The following NRXN3 variants were observed in gnomAD, a reference collection of about 807,000 sequenced individuals.
NRXN3 encodes the protein neurexin 3, also known as neurexin III.
Under a neutral mutation model 137.6 loss-of-function variants are expected in NRXN3, and 32 were observed. The ratio of observed to expected loss-of-function variants is 0.23; its 90% CI spans 0.18 to 0.31. NRXN3 has a LOEUF of 0.31. Among genes scored for constraint, NRXN3 ranks in the 10% least tolerant of loss-of-function variants. The probability of loss-of-function intolerance (pLI) is 1.00; values close to 1 mark genes in which losing one functional copy is unlikely to be tolerated. For missense variants in NRXN3, 1,574 were observed against 2,062.5 expected (o/e 0.76, Z 4.59); for synonymous variants, 798 against 784.5 (o/e 1.02, Z -0.29).
intron 16 of NRXN3, among the ~76,000 whole-genome samples, chr14:79,637,303 G>A (rs2098409041): frequency 6.6e-6 from 1 of 152,078 alleles, no homozygotes; most frequent in African/African-American, 2.4e-5. Flanking sequence ...TATTATTATT[G>A]TTATTGTTAT....
chr14:78,483,551 A>G (rs1283526349), intron 4 of NRXN3, among the ~76,000 whole-genome samples: 2 of 152,226 alleles, frequency 1.3e-5, no homozygotes, highest in East Asian at 3.8e-4. Context: ...GCTCTCAGTT[A>G]TATCTTCTTA....
intron 4 of NRXN3, among the ~76,000 whole-genome samples, chr14:78,334,194 C>A (rs1402216959): frequency 6.6e-6 from 1 of 152,028 alleles, no homozygotes; most frequent in Non-Finnish European, 1.5e-5. Context: ...GTTTGCTAAC[C>A]AAGAGGAGAT....
intron 19 of NRXN3, among the ~76,000 whole-genome samples, chr14:79,715,290 G>A (rs1303284543): frequency 1.3e-5 from 2 of 152,158 alleles, no homozygotes; most frequent in Admixed American, 6.5e-5. Context: ...TCCACTAAAC[G>A]AGGTTGAGGG....
chr14:79,452,116 T>C (rs1278856675), intron 15 of NRXN3, among the ~76,000 whole-genome samples: 1 of 151,256 alleles, frequency 6.6e-6, no homozygotes, highest in African/African-American at 2.5e-5. Context: ...AAGTATCCCA[T>C]CATTAAAAAA....
At chr14:79,738,104 G>A (rs1449403957) in intron 19 of NRXN3, among the ~76,000 whole-genome samples, 2 of 152,150 alleles carry the variant, frequency 1.3e-5, no homozygotes, top group African/African-American at 2.4e-5. Flanking sequence ...TCTTGAGAGA[G>A]TGCATTAGCC....
At chr14:79,113,421 C>G (rs374195895) in intron 15 of NRXN3, among the ~76,000 whole-genome samples, 2 of 152,144 alleles carry the variant, frequency 1.3e-5, no homozygotes, top group African/African-American at 4.8e-5. Context: ...CAATTACCCC[C>G]TCTTGACTTT....
intron 4 of NRXN3, among the ~76,000 whole-genome samples, chr14:78,552,487 G>T (rs1399300261): frequency 6.6e-6 from 1 of 152,104 alleles, no homozygotes; most frequent in Admixed American, 6.6e-5. Flanking sequence ...TCAGACACTG[G>T]CATGAAGTCA....
At chr14:79,570,824 GCAGT>G (rs1448760093) in intron 16 of NRXN3, among the ~76,000 whole-genome samples, 1 of 152,184 alleles carries the variant, frequency 6.6e-6, no homozygotes, top group Non-Finnish European at 1.5e-5. Flanking sequence ...TTCCTGGCTT[GCAGT>G]CAGCTGCCTT....
chr14:79,819,237 CAAAT>C (rs1274669823), intron 20 of NRXN3, among the ~76,000 whole-genome samples: 1 of 152,130 alleles, frequency 6.6e-6, no homozygotes, highest in African/African-American at 2.4e-5. Context: ...GCCATGGAAA[CAAAT>C]AAATGAGCAG....
At chr14:78,848,661 C>T (rs949728785) in intron 10 of NRXN3, among the ~76,000 whole-genome samples, 1 of 152,164 alleles carries the variant, frequency 6.6e-6, no homozygotes, top group African/African-American at 2.4e-5. Context: ...TTGTTCAACA[C>T]TTCTTAAACT....
chr14:79,814,062 C>T (rs534706384), intron 20 of NRXN3, among the ~76,000 whole-genome samples: 2 of 152,306 alleles, frequency 1.3e-5, no homozygotes, highest in South Asian at 4.1e-4. Flanking sequence ...TGTGTTTCAT[C>T]CAAGTGACAC....
At chr14:79,665,351 G>A (rs1044956782) in intron 17 of NRXN3, among the ~76,000 whole-genome samples, 19 of 152,170 alleles carry the variant, frequency 1.2e-4, no homozygotes, top group African/African-American at 4.3e-4. Context: ...TTAGATTAAG[G>A]CACATAAATG....
At chr14:79,376,048 A>G (rs2094266633) in intron 15 of NRXN3, among the ~76,000 whole-genome samples, 2 of 133,962 alleles carry the variant, frequency 1.5e-5, no homozygotes, top group South Asian at 4.8e-4. Flanking sequence ...ATAAGTGTAT[A>G]TGTAAGTAAT....
At chr14:79,298,339 T>C (rs765907615) in intron 15 of NRXN3, among the ~76,000 whole-genome samples, 12 of 152,060 alleles carry the variant, frequency 7.9e-5, no homozygotes, top group South Asian at 2.1e-4. Context: ...ATTCCAGTTA[T>C]TCAAATTTGT....
chr14:78,298,988 G>A (rs2076622699), intron 4 of NRXN3, among the ~76,000 whole-genome samples: 1 of 152,170 alleles, frequency 6.6e-6, no homozygotes, highest in Non-Finnish European at 1.5e-5. Flanking sequence ...GTTCGTTTAT[G>A]GCATCCAGTT....
chr14:79,850,483 T>C (rs946526133), intron 20 of NRXN3, among the ~76,000 whole-genome samples: 2 of 152,200 alleles, frequency 1.3e-5, no homozygotes, highest in Non-Finnish European at 2.9e-5. Flanking sequence ...CAGAAACATT[T>C]CTTTGAAACA....
rs574848126 is a variant in NRXN3 at position 78,472,308 on chromosome 14, C to T, written c.758-172812C>T. Among the ~76,000 whole-genome samples, 28 of 152,182 alleles carry T rather than the reference C, an allele frequency of 1.8e-4. No homozygotes were observed. The East Asian group carries it at 4.8e-3, about 26-fold the overall frequency. ...GTTTTACTGTGAGGAACTTAAGGATCGGGGAAGTTAAGTCACTTACTCAAC... is the reference window on the plus strand; with the variant it reads ...GTTTTACTGTGAGGAACTTAAGGATTGGGGAAGTTAAGTCACTTACTCAAC... On this transcript the variant is annotated intron_variant, in intron 4 of 20. Transcript: ENST00000335750.
rs5809927 is a variant in NRXN3 at position 79,186,251 on chromosome 14, G to GA, written c.3262+198119dup. Reference sequence around the variant, plus strand: ...AATCGTGACGTCAAGGGTGTTACCTGAAAAAAAAAGGTGTTTCTTACTTAA... The same window carrying GA: ...AATCGTGACGTCAAGGGTGTTACCTGAAAAAAAAAAGGTGTTTCTTACTTAA... On this transcript the variant is annotated intron_variant, in intron 15 of 20. Coordinates refer to ENST00000335750, the MANE Select transcript of NRXN3 (RefSeq NM_001330195.2). 1.6e-3 allele frequency among the ~76,000 whole-genome samples: 244 copies of GA among 150,410 alleles called. 1 individual carries two copies. Among genetic ancestry groups the GA allele is most frequent in the Middle Eastern group, 3.4e-3 (1 of 290 alleles).
chr14:78,187,265 GT>G (rs34593677), intron 1 of NRXN3, among the ~76,000 whole-genome samples: 23,981 of 145,424 alleles, frequency 0.16, 2,089 homozygotes, highest in East Asian at 0.3. Flanking sequence ...GTGTGTGTGT[GT>G]TTTTTTTTTT....
Sources: allele counts gnomAD v4.1 joint callset (sites outside exome capture counted in the v4.1 genomes callset), GRCh38; gene constraint gnomAD v4.1.1; transcripts MANE v1.5; gene names NCBI Gene and HGNC (gene_info 2026-07-23, HGNC 2026-07-21).